The following MRPS2 variants were observed in gnomAD, a reference collection of about 807,000 sequenced individuals.
MRPS2 encodes the protein small ribosomal subunit protein uS2m.
Under a neutral mutation model 18.9 loss-of-function variants are expected in MRPS2, and 13 were observed. The ratio of observed to expected loss-of-function variants is 0.69; its 90% confidence interval spans 0.45 to 1.09. The LOEUF (loss-of-function observed/expected upper bound fraction) is 1.09. Among genes scored for constraint, MRPS2 ranks in the 50% least tolerant of loss-of-function variants. The pLI, the probability that MRPS2 is intolerant of heterozygous loss-of-function variation, is 0.00. For missense variants in MRPS2, 389 were observed against 421.7 expected (o/e 0.92, Z 0.68); for synonymous variants, 186 against 178.4 (o/e 1.04, Z -0.34).
intron 2 of MRPS2, 184 bp from the exon 3 acceptor site, chr9:135,501,660 C>T (rs957219540): frequency 2.8e-6 from 4 of 1,414,938 alleles, no homozygotes; most frequent in Non-Finnish European, 3.7e-6. Flanking sequence ...GAACCTGGCT[C>T]CAGCCCTCTG....
rs1588370923 is a variant in MRPS2 at position 135,503,802 on chromosome 9, T to C, written c.560T>C (p.Val187Ala). 1 of 1,613,066 alleles carries C rather than the reference T, an allele frequency of 6.2e-7. No homozygotes were observed. The highest frequency in any genetic ancestry group is 8.5e-7 in the Non-Finnish European group (1 of 1,179,960). Reference protein sequence around the residue: ...TNARLLFGPTVRLPDLIIFLH... With the variant: ...TNARLLFGPTARLPDLIIFLH... Reference sequence around the variant, plus strand: ...GCGCGCCTCCTCTTTGGCCCCACGGTCCGCCTGCCGGACCTCATCATCTTC... The same window carrying C: ...GCGCGCCTCCTCTTTGGCCCCACGGCCCGCCTGCCGGACCTCATCATCTTC... The change falls in exon 4 of 4, where the codon GTC becomes GCC. Residue 187 changes from valine (V) to alanine (A), a missense_variant. Coordinates refer to ENST00000241600, the MANE Select transcript of MRPS2 (RefSeq NM_016034.5).
upstream of MRPS2, chr9:135,500,388 C>A (rs1831081767): frequency 2.6e-6 from 1 of 383,904 alleles, no homozygotes. Context: ...GCTCACTTGG[C>A]GGGAGGCGAG....
rs1450963220 is a variant in MRPS2 at position 135,501,292 on chromosome 9, C to T, written c.169+169C>T. 9.8e-6 allele frequency: 14 copies of T among 1,423,528 alleles called. 1 individual carries two copies. In the East Asian group the frequency reaches 3.1e-4, roughly 32 times the overall value. The allele number at this position is 1,423,528 out of a possible 1,614,324, so 88.2% of individuals were successfully genotyped here. A position where few individuals can be genotyped will look rare whatever the true frequency, so the allele number is the denominator to read the frequency against. On this transcript the variant is annotated intron_variant, in intron 2 of 3. Coordinates refer to ENST00000241600, the MANE Select transcript of MRPS2 (RefSeq NM_016034.5). ...CCGCTCGGTCCTGCCTGACGTAGCA[C>T]AGCGGGCTGAGGCCACCGCCTCACC...
At chr9:135,500,025 G>T, upstream of MRPS2, 1 of 711,636 alleles carries the variant, frequency 1.4e-6, no homozygotes, top group Non-Finnish European at 2.2e-6. Flanking sequence ...AGGTCGGGAC[G>T]GCGAGAGATT....
rs1199507601 is a variant in MRPS2, at chr9:135,500,883, C to T, written c.44-115C>T. The T allele has an allele frequency of 2.9e-5, 44 of 1,542,726 alleles. No individual in the cohort carries two copies. In the Admixed American group the frequency reaches 7.5e-4, roughly 26 times the overall value. On this transcript the variant is annotated intron_variant, in intron 1 of 3. Transcript: ENST00000241600. The stretch of plus-strand genomic sequence containing the variant: ...GCGCGGAGGGGACTCGGGGAGGGCG[C>T]GGGGACGCGGAGGGGACCCGTTAGG...
At chr9:135,501,809 G>T in intron 2 of MRPS2, 35 bp from the exon 3 acceptor site, 1 of 1,610,280 alleles carries the variant, frequency 6.2e-7, no homozygotes, top group Non-Finnish European at 8.5e-7. Flanking sequence ...TGCCACCGGT[G>T]GGAGACGCAG....
intron 3 of MRPS2, 27 bp from the exon 4 acceptor site, chr9:135,503,515 C>G: frequency 6.2e-7 from 1 of 1,600,206 alleles, no homozygotes; most frequent in Non-Finnish European, 8.5e-7. Context: ...ACTCTCATCC[C>G]CCTTGCCTTG....
In MRPS2 at chr9:135,504,258, C is replaced by G. The variant is rs1231597404; in HGVS notation, c.*125C>G. The G allele has an allele frequency of 1.6e-5, 14 of 900,958 alleles. No homozygotes were observed. Among genetic ancestry groups the G allele is most frequent in the Non-Finnish European group, 2.1e-5 (13 of 610,324 alleles). The allele number at this position is 900,958 out of a possible 1,614,324, so 55.8% of individuals were successfully genotyped here. ...TACTCAGCTGATGTCACAGTGCAGACATCCACCGTTCCACCACAGAACCAG... is the reference window on the plus strand; with the variant it reads ...TACTCAGCTGATGTCACAGTGCAGAGATCCACCGTTCCACCACAGAACCAG... On this transcript the variant is annotated 3_prime_UTR_variant, in exon 4 of 4. Coordinates refer to ENST00000241600, the MANE Select transcript of MRPS2 (RefSeq NM_016034.5). This position sits in a 1 kb window ranked among gnomAD's most constrained non-coding sequence, Gnocchi z 4.3.
chr9:135,500,068 G>C, upstream of MRPS2: 1 of 555,300 alleles, frequency 1.8e-6, no homozygotes. Context: ...GGCAGCCCCA[G>C]GCCCCCAGCC....
In MRPS2 at chr9:135,503,839, C is replaced by A; in HGVS notation, c.597C>A (p.Leu199=). ...LPDLIIFLHT[L]NNIFEPHVAV... The stretch of plus-strand genomic sequence containing the variant: ...ACCTCATCATCTTCCTGCACACGCT[C>A]AACAACATCTTTGAGCCACACGTGG... Residue 199 remains leucine, a synonymous_variant, in exon 4 of 4, where the codon CTC becomes CTA. Coordinates refer to ENST00000241600, the MANE Select transcript of MRPS2 (RefSeq NM_016034.5). 6.2e-7 allele frequency: 1 copy of A among 1,613,796 alleles called. No homozygotes were observed. Among genetic ancestry groups the A allele is most frequent in the Non-Finnish European group, 8.5e-7 (1 of 1,180,034 alleles).
At chr9:135,502,767 G>A (rs1831180976) in intron 3 of MRPS2, 1 of 152,762 alleles carries the variant, frequency 6.5e-6, no homozygotes, top group African/African-American at 2.4e-5. Flanking sequence ...GGTCCAAGGT[G>A]GAGCCCTGGG....
rs758539748 is a variant in MRPS2 at position 135,503,655 on chromosome 9, G to A, written c.413G>A (p.Arg138His). 48 of 1,613,852 alleles carry A rather than the reference G, an allele frequency of 3.0e-5. No individual in the cohort carries two copies. The South Asian group carries it at 3.3e-4, about 11-fold the overall frequency. The part of the protein sequence containing the change: ...ALNFTAHMAY[R>H]KGIILFISRN... ...AACTTCACCGCCCACATGGCCTACCGCAAGGGCATCATCTTGTTTATAAGC... is the reference window on the plus strand; with the variant it reads ...AACTTCACCGCCCACATGGCCTACCACAAGGGCATCATCTTGTTTATAAGC... Residue 138 changes from arginine to histidine, a missense_variant, in exon 4 of 4, where the codon CGC becomes CAC. Arg to His is a conservative substitution (Grantham distance 29). Transcript: ENST00000241600.
chr9:135,502,008 C>T, intron 3 of MRPS2, 35 bp downstream of exon 3: 1 of 1,612,290 alleles, frequency 6.2e-7, no homozygotes, highest in South Asian at 1.1e-5. Context: ...CGGGGCGGTT[C>T]CCAGGAGGAA....
Position 135,503,954 on chromosome 9 carries a change from G to T in MRPS2, c.712G>T (p.Gly238Cys), listed in dbSNP as rs762097553. The T allele has an allele frequency of 6.8e-6, 11 of 1,613,866 alleles. No homozygotes were observed. The highest frequency in any genetic ancestry group is 1.7e-5 in the Admixed American group (1 of 60,032). The change falls in exon 4 of 4, where the codon GGC becomes TGC. Residue 238 changes from glycine (G) to cysteine (C), a missense_variant. Gly to Cys is a radical substitution (Grantham distance 159). Coordinates refer to ENST00000241600, the MANE Select transcript of MRPS2 (RefSeq NM_016034.5). The part of the protein sequence containing the change: ...NPCLITYPVP[G>C]NDDSPLAVHL... ...CTGCCTCATCACCTACCCTGTACCC[G>T]GCAATGACGACTCTCCGCTGGCTGT...
intron 2 of MRPS2, 35 bp from the exon 3 acceptor site, chr9:135,501,809 G>A (rs1564219383): frequency 6.2e-7 from 1 of 1,610,280 alleles, no homozygotes; most frequent in Admixed American, 1.7e-5. Flanking sequence ...TGCCACCGGT[G>A]GGAGACGCAG....
intron 3 of MRPS2, chr9:135,502,262 G>C (rs1265537518): frequency 8.3e-7 from 1 of 1,210,110 alleles, no homozygotes; most frequent in Non-Finnish European, 1.0e-6. Flanking sequence ...GGCAGAACCT[G>C]TAAGGTTGGT....
In MRPS2 at chr9:135,500,732, C is replaced by T; in HGVS notation, c.22C>T (p.Leu8=). Residue 8 remains leucine, a synonymous_variant, in exon 1 of 4, where the codon CTG becomes TTG. Coordinates refer to ENST00000241600, the MANE Select transcript of MRPS2 (RefSeq NM_016034.5). ...AGCCATGGCGACATCCTCGGCCGCG[C>T]TGCCCCGAATACTCGGCGCGGGTGA... MATSSAA[L]PRILGAGARA... 3 of 1,485,562 alleles carry T rather than the reference C, an allele frequency of 2.0e-6. No homozygotes were observed. Among genetic ancestry groups the T allele is most frequent in the Admixed American group, 2.3e-5 (1 of 43,138 alleles). 92.0% of individuals were successfully genotyped at this position (1,485,562 alleles called of 1,614,324 possible).
chr9:135,501,734 C>A, intron 2 of MRPS2, 110 bp from the exon 3 acceptor site: 2 of 1,532,624 alleles, frequency 1.3e-6, no homozygotes, highest in African/African-American at 1.4e-5. Flanking sequence ...CGGCTCCCCA[C>A]CTCGGTGTCA....
At chr9:135,500,548 C>T (rs1831086166), upstream of MRPS2, 2 of 707,998 alleles carry the variant, frequency 2.8e-6, no homozygotes, top group East Asian at 3.4e-5. Flanking sequence ...GCCCTGACCC[C>T]TCGCGTGCCC....
Sources: gnomAD v4.1 joint callset for allele counts on GRCh38, gnomAD v4.1.1 for gene constraint, Gnocchi (gnomAD v3.1) non-coding constraint, MANE v1.5 for transcripts, NCBI Gene and HGNC (gene_info 2026-07-23, HGNC 2026-07-21) for gene names.